Variants in HS6ST2 observed in about 807,000 individuals in gnomAD.
HS6ST2 encodes the protein heparan sulfate 6-O-sulfotransferase 2.
Under a neutral mutation model 33.0 loss-of-function variants are expected in HS6ST2, and 17 were observed. The observed-to-expected ratio is 0.52, with a 90% CI of 0.35 to 0.77. The LOEUF (loss-of-function observed/expected upper bound fraction) is 0.77. HS6ST2 is among the 30% of genes least tolerant of loss of function. The probability of loss-of-function intolerance (pLI) is 0.01; values close to 1 mark genes in which losing one functional copy is unlikely to be tolerated. For synonymous variants in HS6ST2, 248 were observed against 237.1 expected (o/e 1.05, Z -0.42); for missense variants, 519 against 551.7 (o/e 0.94, Z 0.59).
At chrX:132,940,110 G>A (rs1188194907) in intron 2 of HS6ST2, among the ~76,000 whole-genome samples, 1 of 112,303 alleles carries the variant, frequency 8.9e-6, no homozygotes, top group Non-Finnish European at 1.9e-5. Context: ...TTATAGACAA[G>A]TAAAATAGAA....
intron 3 of HS6ST2, among the ~76,000 whole-genome samples, chrX:132,696,503 G>A (rs1322420833): frequency 9.0e-6 from 1 of 111,336 alleles, no homozygotes; most frequent in Non-Finnish European, 1.9e-5. Flanking sequence ...TCAGTTCTTG[G>A]TCTCTGTCCA....
intron 2 of HS6ST2, among the ~76,000 whole-genome samples, chrX:132,739,463 G>A (rs928975378): frequency 7.3e-5 from 8 of 110,322 alleles, no homozygotes; most frequent in African/African-American, 2.6e-4. Flanking sequence ...GCCTGTAATC[G>A]CAGCACTTTG....
chrX:132,640,008 G>A (rs2063590129), intron 4 of HS6ST2, among the ~76,000 whole-genome samples: 2 of 112,020 alleles, frequency 1.8e-5, no homozygotes, highest in African/African-American at 6.5e-5. Context: ...ACAGGCATGT[G>A]CAAAGAGGGT....
At chrX:132,669,504 G>T in intron 3 of HS6ST2, 1 of 142,948 alleles carries the variant, frequency 7.0e-6, no homozygotes, top group Non-Finnish European at 1.3e-5. Context: ...GGGGCCTCTA[G>T]TTTTAAAAAA....
At chrX:132,726,986 T>A (rs941419168) in intron 2 of HS6ST2, among the ~76,000 whole-genome samples, 2 of 111,264 alleles carry the variant, frequency 1.8e-5, no homozygotes, top group Non-Finnish European at 3.8e-5. Context: ...AGGCCAAATC[T>A]CCTATTTTTC....
chrX:132,901,350 A>G, intron 2 of HS6ST2, among the ~76,000 whole-genome samples: 2 of 112,037 alleles, frequency 1.8e-5, no homozygotes, highest in Middle Eastern at 9.3e-3. Flanking sequence ...ATATATGTGT[A>G]CTAATACTAA....
chrX:132,716,140 A>G (rs1174625890), intron 2 of HS6ST2, among the ~76,000 whole-genome samples: 1 of 111,342 alleles, frequency 9.0e-6, no homozygotes, highest in Non-Finnish European at 1.9e-5. Context: ...CCCCCTCCTC[A>G]TCTCCTCTCT....
In HS6ST2 at chrX:132,958,542, C is replaced by T. The variant is rs2067118213; in HGVS notation, c.61G>A (p.Ala21Thr). Residue 21 changes from alanine (A) to threonine (T), a missense_variant, in exon 1 of 5, where the codon GCG (alanine) becomes ACG (threonine). Transcript: ENST00000370833. ...FEPPRQPERG[A>T]PVRTTCPRRH... ...CGGGGACAGGTGGTGCGGACGGGCG[C>T]TCCTCGCTCCGGTTGCCGCGGCGGC... The T allele has an allele frequency of 1.7e-6, 2 of 1,183,906 alleles. No homozygotes were observed. Among genetic ancestry groups the T allele is most frequent in the South Asian group, 1.9e-5 (1 of 53,757 alleles).
At chrX:132,661,671 T>A (rs1471605038) in intron 4 of HS6ST2, among the ~76,000 whole-genome samples, 3 of 112,339 alleles carry the variant, frequency 2.7e-5, no homozygotes, top group Non-Finnish European at 5.6e-5. Flanking sequence ...GGCTTCTTTT[T>A]TCTTTTTGCA....
intron 2 of HS6ST2, among the ~76,000 whole-genome samples, chrX:132,729,226 A>C (rs1446450917): frequency 1.8e-5 from 2 of 112,501 alleles, no homozygotes; most frequent in African/African-American, 6.5e-5. Flanking sequence ...AAGGTGGGTG[A>C]ATTTCAAACA....
At chrX:132,741,668 C>T (rs780372673) in intron 2 of HS6ST2, among the ~76,000 whole-genome samples, 1 of 111,326 alleles carries the variant, frequency 9.0e-6, no homozygotes, top group South Asian at 3.8e-4. Flanking sequence ...GTTACCACAT[C>T]TCTCTCAGCC....
intron 2 of HS6ST2, among the ~76,000 whole-genome samples, chrX:132,744,827 A>G (rs772286867): frequency 1.8e-5 from 2 of 112,033 alleles, no homozygotes; most frequent in Non-Finnish European, 3.8e-5. Flanking sequence ...AAGAAAATGA[A>G]TGAATGGAAG....
At chrX:132,802,578 G>A (rs1402040870) in intron 2 of HS6ST2, among the ~76,000 whole-genome samples, 2 of 111,116 alleles carry the variant, frequency 1.8e-5, no homozygotes, top group Admixed American at 1.9e-4. Context: ...CCTAGAAGAT[G>A]ACTCGTGGCT....
At chrX:132,713,791 C>T (rs1158696995) in intron 2 of HS6ST2, among the ~76,000 whole-genome samples, 2 of 110,952 alleles carry the variant, frequency 1.8e-5, no homozygotes, top group African/African-American at 3.3e-5. Context: ...TGCCCTCCCC[C>T]GAGATACTAA....
At chrX:132,641,155 G>A (rs2063598915) in intron 4 of HS6ST2, among the ~76,000 whole-genome samples, 1 of 112,551 alleles carries the variant, frequency 8.9e-6, no homozygotes, top group Non-Finnish European at 1.9e-5. Flanking sequence ...TTGTTTGTTT[G>A]TTTTTGGAGA....
chrX:132,880,616 CT>C (rs200378896), intron 2 of HS6ST2, among the ~76,000 whole-genome samples: 1,092 of 107,665 alleles, frequency 0.01, 10 homozygotes, highest in African/African-American at 0.034. Flanking sequence ...TAACCAACAA[CT>C]TTTTTTTTCT....
intron 2 of HS6ST2, among the ~76,000 whole-genome samples, chrX:132,844,982 G>A (rs1159618624): frequency 2.8e-5 from 3 of 108,657 alleles, no homozygotes; most frequent in South Asian, 4.0e-4. Context: ...TATCCTAAAT[G>A]AACTATTAAA....
intron 2 of HS6ST2, among the ~76,000 whole-genome samples, chrX:132,864,513 T>A (rs1324988163): frequency 9.5e-6 from 1 of 104,943 alleles, no homozygotes; most frequent in Non-Finnish European, 1.9e-5. Context: ...AGATTGAAAA[T>A]CAACTTAATG....
At chrX:132,720,182 C>T (rs1316660006) in intron 2 of HS6ST2, among the ~76,000 whole-genome samples, 1 of 112,378 alleles carries the variant, frequency 8.9e-6, no homozygotes, top group Non-Finnish European at 1.9e-5. Flanking sequence ...AAGAAGAATT[C>T]AGAACTGCTT....
Sources: gnomAD v4.1 joint callset for allele counts (sites outside exome capture counted in the v4.1 genomes callset) on GRCh38, gnomAD v4.1.1 for gene constraint, MANE v1.5 for transcripts, NCBI Gene and HGNC (gene_info 2026-07-23, HGNC 2026-07-21) for gene names.